The following PTPRR variants were observed in gnomAD, a reference collection of about 807,000 sequenced individuals.
The protein encoded by PTPRR is receptor-type tyrosine-protein phosphatase R.
A neutral mutation model predicts 77.2 loss-of-function variants in PTPRR; 38 were observed. The observed-to-expected ratio is 0.49, with a 90% CI of 0.38 to 0.65. The LOEUF is 0.65. Among genes scored for constraint, PTPRR ranks in the 30% least tolerant of loss-of-function variants. PTPRR has a pLI of 0.00. For synonymous variants in PTPRR, 299 were observed against 283.1 expected (o/e 1.06, Z -0.57); for missense variants, 744 against 799.2 (o/e 0.93, Z 0.83).
chr12:70,813,200 G>A (rs1040718665), intron 2 of PTPRR, among the ~76,000 whole-genome samples: 2 of 152,196 alleles, frequency 1.3e-5, no homozygotes, highest in Non-Finnish European at 2.9e-5. Flanking sequence ...TTGGCTAAAT[G>A]AGATGCTACA....
intron 2 of PTPRR, among the ~76,000 whole-genome samples, chr12:70,817,901 T>A (rs946996185): frequency 6.6e-6 from 1 of 152,198 alleles, no homozygotes; most frequent in Admixed American, 6.5e-5. Flanking sequence ...TTTATTGCCT[T>A]TCTACCACAT....
At chr12:70,664,819 A>C (rs1014105808) in intron 10 of PTPRR, 1 of 152,132 alleles carries the variant, frequency 6.6e-6, no homozygotes, top group African/African-American at 2.4e-5. Flanking sequence ...CTCCTTTCTG[A>C]GATACAATAG....
At chr12:70,876,548 T>C (rs1473098252) in intron 2 of PTPRR, among the ~76,000 whole-genome samples, 1 of 152,172 alleles carries the variant, frequency 6.6e-6, no homozygotes, top group African/African-American at 2.4e-5. Context: ...GCAGAGTAAG[T>C]ATGACCCAAT....
chr12:70,875,082 G>A (rs1452402403), intron 2 of PTPRR, among the ~76,000 whole-genome samples: 5 of 151,980 alleles, frequency 3.3e-5, no homozygotes, highest in African/African-American at 1.2e-4. Flanking sequence ...CATTCATAGA[G>A]GAATGGTTGA....
chr12:70,912,726 AAT>A (rs1364534623), intron 1 of PTPRR, among the ~76,000 whole-genome samples: 1 of 152,162 alleles, frequency 6.6e-6, no homozygotes, highest in Non-Finnish European at 1.5e-5. Context: ...TAATGTTTAT[AAT>A]ATAAATTTGC....
chr12:70,712,137 T>C (rs761978484), intron 6 of PTPRR, among the ~76,000 whole-genome samples: 2 of 151,994 alleles, frequency 1.3e-5, no homozygotes, highest in Non-Finnish European at 2.9e-5. Context: ...AGTCAATGAC[T>C]TTGCTGGGTT....
At chr12:70,741,599 T>C (rs980130462) in intron 6 of PTPRR, among the ~76,000 whole-genome samples, 1 of 152,108 alleles carries the variant, frequency 6.6e-6, no homozygotes, top group African/African-American at 2.4e-5. Flanking sequence ...AGTCCTGTCA[T>C]GGGCTTTGTG....
At chr12:70,676,845 T>C (rs577742426) in intron 10 of PTPRR, among the ~76,000 whole-genome samples, 1 of 146,750 alleles carries the variant, frequency 6.8e-6, no homozygotes, top group Non-Finnish European at 1.5e-5. Flanking sequence ...AGTCAGGTAG[T>C]ATGATGCCTC....
intron 2 of PTPRR, among the ~76,000 whole-genome samples, chr12:70,815,184 C>A (rs913341687): frequency 2.1e-5 from 3 of 145,958 alleles, no homozygotes; most frequent in African/African-American, 5.0e-5. Context: ...ATTGCAATGT[C>A]TAGAATAAAA....
chr12:70,842,755 C>T (rs1892417848), intron 2 of PTPRR, among the ~76,000 whole-genome samples: 1 of 152,216 alleles, frequency 6.6e-6, no homozygotes. Flanking sequence ...GTCTTAATCA[C>T]ATCTGCAAAG....
chr12:70,719,074 C>A (rs1367344828), intron 6 of PTPRR, among the ~76,000 whole-genome samples: 1 of 152,286 alleles, frequency 6.6e-6, no homozygotes, highest in East Asian at 1.9e-4. Flanking sequence ...GAGTTCAGAT[C>A]CACACCTAAC....
chr12:70,687,245 C>T (rs1418950526), intron 8 of PTPRR, among the ~76,000 whole-genome samples: 1 of 37,592 alleles, frequency 2.7e-5, no homozygotes, highest in Non-Finnish European at 8.9e-5. Flanking sequence ...AGGCCATTAT[C>T]AAAGATGATG....
intron 2 of PTPRR, among the ~76,000 whole-genome samples, chr12:70,776,026 C>A (rs555206367): frequency 2.0e-5 from 3 of 152,170 alleles, no homozygotes; most frequent in East Asian, 1.9e-4. Context: ...ACATTTCCAC[C>A]TTTCTCATGG....
At chr12:70,755,180 C>A (rs892998185) in intron 4 of PTPRR, among the ~76,000 whole-genome samples, 4 of 152,074 alleles carry the variant, frequency 2.6e-5, no homozygotes, top group African/African-American at 9.7e-5. Flanking sequence ...ACCAAATAGT[C>A]CATGATTGGG....
chr12:70,848,774 C>T (rs1243086694), intron 2 of PTPRR, among the ~76,000 whole-genome samples: 4 of 151,990 alleles, frequency 2.6e-5, no homozygotes, highest in Admixed American at 6.6e-5. Context: ...ATAGTTACAC[C>T]AAAACACTGG....
chr12:70,868,950 C>T lies in PTPRR; in HGVS notation c.357+23729G>A, dbSNP rs1392386970. ...ATCACAAGGACAAAAAACCAAACAC[C>T]GCATGTTCTCACTCATAGGTGGGAA... On this transcript the variant is annotated intron_variant, in intron 2 of 13. Transcript: ENST00000283228. 8.9e-5 allele frequency among the ~76,000 whole-genome samples: 13 copies of T among 145,894 alleles called. No homozygotes were observed. In the South Asian group the frequency reaches 1.5e-3, roughly 17 times the overall value.
chr12:70,745,319 C>T (rs756792089), intron 6 of PTPRR, among the ~76,000 whole-genome samples: 15 of 152,184 alleles, frequency 9.9e-5, no homozygotes, highest in African/African-American at 2.2e-4. Flanking sequence ...TGAGCCACTG[C>T]GCCCGTCCAG....
At chr12:70,689,664 T>G (rs1004366176) in intron 8 of PTPRR, among the ~76,000 whole-genome samples, 1 of 152,188 alleles carries the variant, frequency 6.6e-6, no homozygotes, top group African/African-American at 2.4e-5. Flanking sequence ...CAACATTTAT[T>G]GCACACTCTC....
At chr12:70,743,740 T>C (rs1347561301) in intron 6 of PTPRR, among the ~76,000 whole-genome samples, 1 of 152,108 alleles carries the variant, frequency 6.6e-6, no homozygotes, top group Non-Finnish European at 1.5e-5. Context: ...ACCAAAGAGA[T>C]GGGTATGATT....
Sources: allele counts gnomAD v4.1 joint callset (sites outside exome capture counted in the v4.1 genomes callset), GRCh38; gene constraint gnomAD v4.1.1; transcripts MANE v1.5; gene names NCBI Gene and HGNC (gene_info 2026-07-23, HGNC 2026-07-21).